Variants in DCDC1 observed in about 807,000 individuals in gnomAD.
DCDC1 encodes the protein doublecortin domain-containing protein 1.
A neutral mutation model predicts 178.3 loss-of-function variants in DCDC1; 200 were observed. That is an observed-to-expected ratio of 1.12 (90% CI 1.00 to 1.26). The LOEUF is 1.26. Among genes scored for constraint, DCDC1 ranks in the 50% most tolerant of loss-of-function variants. The pLI, the probability that DCDC1 is intolerant of heterozygous loss-of-function variation, is 0.00. For missense variants in DCDC1, 1,983 were observed against 1,749.2 expected, an observed-to-expected ratio of 1.13 and a Z score of -2.38; for synonymous variants, 690 against 604.8, an observed-to-expected ratio of 1.14 and a Z score of -2.07.
intron 21 of DCDC1, among the ~76,000 whole-genome samples, chr11:30,939,192 CCT>C (rs1008713884): frequency 1.8e-4 from 28 of 152,152 alleles, no homozygotes; most frequent in African/African-American, 5.6e-4. Flanking sequence ...TGCTTTTCTC[CCT>C]GTTACCTCCA....
intron 22 of DCDC1, among the ~76,000 whole-genome samples, chr11:30,928,093 C>G: frequency 6.6e-6 from 1 of 152,116 alleles, no homozygotes; most frequent in East Asian, 1.9e-4. Context: ...GAAGATCCCT[C>G]ATAAATAGAT....
chr11:31,242,053 T>C (rs548552544), intron 8 of DCDC1, among the ~76,000 whole-genome samples: 2 of 152,100 alleles, frequency 1.3e-5, no homozygotes, highest in South Asian at 4.1e-4. Flanking sequence ...CTGGAAATTA[T>C]TCATAAAATA....
In DCDC1 at chr11:31,158,284, A is replaced by AT. The variant is rs980546671; in HGVS notation, c.1222-20501dup. On this transcript the variant is annotated intron_variant, in intron 9 of 38. Transcript: ENST00000684477. The stretch of plus-strand genomic sequence containing the variant: ...CCATCACGCCCGGCTAATTTTTTGC[A>AT]TTTTTTTTTTTTTTAGTAGAGACGG... Among the ~76,000 whole-genome samples the AT allele has an allele frequency of 3.3e-3, 443 of 135,542 alleles. 1 individual carries two copies. Among genetic ancestry groups the AT allele is most frequent in the African/African-American group, 7.7e-3 (284 of 36,764 alleles). The allele number at this position is 135,542 out of a possible 152,430, so 88.9% of individuals were successfully genotyped here.
At chr11:31,291,417 A>G (rs1947219877) in intron 6 of DCDC1, among the ~76,000 whole-genome samples, 1 of 152,092 alleles carries the variant, frequency 6.6e-6, no homozygotes, top group Non-Finnish European at 1.5e-5. Flanking sequence ...TGAAAATGAA[A>G]AACAGTTTTT....
intron 28 of DCDC1, among the ~76,000 whole-genome samples, chr11:30,909,371 A>G (rs1945289307): frequency 6.6e-6 from 1 of 152,128 alleles, no homozygotes; most frequent in Non-Finnish European, 1.5e-5. Flanking sequence ...TCTTAACAAT[A>G]TTCCCTGAAC....
chr11:30,951,330 T>C (rs1036206004), intron 21 of DCDC1, among the ~76,000 whole-genome samples: 1 of 152,136 alleles, frequency 6.6e-6, no homozygotes, highest in African/African-American at 2.4e-5. Context: ...AAGTCAGTGA[T>C]GATGTATTTG....
intron 9 of DCDC1, among the ~76,000 whole-genome samples, chr11:31,161,026 A>T (rs1218122735): frequency 6.6e-6 from 1 of 152,190 alleles, no homozygotes; most frequent in East Asian, 1.9e-4. Context: ...ATTAAAATTC[A>T]TTATAACATT....
chr11:31,004,953 T>A (rs921413725), intron 20 of DCDC1, among the ~76,000 whole-genome samples: 2 of 152,168 alleles, frequency 1.3e-5, no homozygotes, highest in African/African-American at 4.8e-5. Flanking sequence ...TATTAACATA[T>A]GTAATTGGAT....
At chr11:31,250,290 T>C (rs1378781864) in intron 8 of DCDC1, among the ~76,000 whole-genome samples, 1 of 131,282 alleles carries the variant, frequency 7.6e-6, no homozygotes, top group Non-Finnish European at 1.7e-5. Context: ...TTACTTAGTA[T>C]CCAAAACAAG....
At chr11:31,078,078 T>C (rs1956969503) in intron 17 of DCDC1, among the ~76,000 whole-genome samples, 153 bp from the exon 18 acceptor site, 1 of 152,242 alleles carries the variant, frequency 6.6e-6, no homozygotes, top group Admixed American at 6.5e-5. Context: ...TCTCAGCAGC[T>C]AAAGCTTTCC....
intron 20 of DCDC1, among the ~76,000 whole-genome samples, chr11:31,008,296 G>C (rs981638178): frequency 2.0e-5 from 3 of 152,124 alleles, no homozygotes; most frequent in African/African-American, 7.2e-5. Flanking sequence ...GGGATGAGAA[G>C]TCTGAAAGAG....
intron 20 of DCDC1, among the ~76,000 whole-genome samples, chr11:30,984,462 C>T (rs992217387): frequency 1.3e-5 from 2 of 152,146 alleles, no homozygotes; most frequent in Non-Finnish European, 2.9e-5. Flanking sequence ...AGGAGAATAA[C>T]CAGATTCACA....
At chr11:30,920,689 C>T (rs924948295) in intron 25 of DCDC1, 87 bp downstream of exon 25, 18 of 1,481,386 alleles carry the variant, frequency 1.2e-5, no homozygotes, top group Non-Finnish European at 1.6e-5. Flanking sequence ...GCATGAGCTC[C>T]CTGCATGGGC....
chr11:30,897,234 C>T (rs556757403), intron 34 of DCDC1, among the ~76,000 whole-genome samples: 3 of 152,292 alleles, frequency 2.0e-5, no homozygotes, highest in Admixed American at 2.0e-4. Context: ...ATGGACATCA[C>T]TGACCAAATA....
intron 20 of DCDC1, among the ~76,000 whole-genome samples, chr11:31,038,226 TATAC>T (rs1274287691): frequency 3.3e-5 from 5 of 151,698 alleles, no homozygotes; most frequent in African/African-American, 9.7e-5. Context: ...TATATATATA[TATAC>T]ACACACACAC....
intron 27 of DCDC1, among the ~76,000 whole-genome samples, chr11:30,913,319 G>A (rs1945586275): frequency 6.6e-6 from 1 of 151,990 alleles, no homozygotes; most frequent in Admixed American, 6.5e-5. Context: ...TGAGGCAGGA[G>A]AATGGCATGA....
At chr11:31,105,950 A>G (rs1958816718) in intron 13 of DCDC1, among the ~76,000 whole-genome samples, 1 of 152,212 alleles carries the variant, frequency 6.6e-6, no homozygotes, top group African/African-American at 2.4e-5. Context: ...TCTACAGATA[A>G]TAAGCTAAAA....
intron 9 of DCDC1, among the ~76,000 whole-genome samples, chr11:31,222,445 C>T (rs1974380446): frequency 6.6e-6 from 1 of 152,164 alleles, no homozygotes; most frequent in Non-Finnish European, 1.5e-5. Context: ...TCCAGCATCA[C>T]CTCAAAACTC....
At chr11:31,003,030 A>T (rs1290008546) in intron 20 of DCDC1, among the ~76,000 whole-genome samples, 2 of 151,778 alleles carry the variant, frequency 1.3e-5, no homozygotes, top group African/African-American at 4.8e-5. Context: ...CATCAGTAAC[A>T]TCATTTTTGA....
Sources: gnomAD v4.1 joint callset for allele counts (sites outside exome capture counted in the v4.1 genomes callset) on GRCh38, gnomAD v4.1.1 for gene constraint, MANE v1.5 for transcripts, NCBI Gene and HGNC (gene_info 2026-07-23, HGNC 2026-07-21) for gene names.